The following PPP2R5E variants were observed in gnomAD, a reference collection of about 807,000 sequenced individuals.
PPP2R5E encodes the protein protein phosphatase 2 regulatory subunit B'epsilon.
PPP2R5E carries 4 observed loss-of-function variants against 65.3 expected under a neutral mutation model. The observed-to-expected ratio is 0.06, with a 90% CI of 0.03 to 0.14. The LOEUF is 0.14. Among genes scored for constraint, PPP2R5E ranks in the 10% least tolerant of loss-of-function variants. The pLI is 1.00. For missense variants in PPP2R5E, 274 were observed against 556.1 expected (o/e 0.49, Z 5.10); for synonymous variants, 183 against 187.4 (o/e 0.98, Z 0.19).
intron 1 of PPP2R5E, among the ~76,000 whole-genome samples, chr14:63,540,966 GA>G (rs1893877787): frequency 1.3e-5 from 2 of 152,208 alleles, no homozygotes; most frequent in East Asian, 3.9e-4. Flanking sequence ...TCTGTAACTG[GA>G]AAACTTCCAT....
Position 63,499,681 on chromosome 14 carries a change from C to T in PPP2R5E, c.157+39848G>A, listed in dbSNP as rs925550900. On this transcript the variant is annotated intron_variant, in intron 2 of 13. Coordinates refer to ENST00000337537, the MANE Select transcript of PPP2R5E (RefSeq NM_006246.5). Reference sequence around the variant, plus strand: ...GGCAGAGGTTGTACTGAGCTGAGATCGCACCACTGCACTCCAGCCTGGAAG... The same window carrying T: ...GGCAGAGGTTGTACTGAGCTGAGATTGCACCACTGCACTCCAGCCTGGAAG... 4.0e-5 allele frequency among the ~76,000 whole-genome samples: 6 copies of T among 151,416 alleles called. No homozygotes were observed. In the Middle Eastern group the frequency reaches 0.01, roughly 259 times the overall value.
chr14:63,413,435 G>C (rs1477511338), intron 5 of PPP2R5E, among the ~76,000 whole-genome samples: 2 of 152,186 alleles, frequency 1.3e-5, no homozygotes, highest in East Asian at 3.9e-4. Context: ...GTTACAGTGA[G>C]GGAATCACAA....
At chr14:63,430,180 C>A (rs912246585) in intron 3 of PPP2R5E, among the ~76,000 whole-genome samples, 2 of 152,040 alleles carry the variant, frequency 1.3e-5, no homozygotes, top group African/African-American at 4.8e-5. Context: ...CATTTAAACA[C>A]CTAAGACTAT....
intron 2 of PPP2R5E, among the ~76,000 whole-genome samples, chr14:63,528,051 A>C (rs1001631976): frequency 6.6e-6 from 1 of 152,068 alleles, no homozygotes; most frequent in African/African-American, 2.4e-5. Context: ...ACATAAAAAT[A>C]AGATTCCATA....
chr14:63,513,611 G>A (rs1381534901), intron 2 of PPP2R5E, among the ~76,000 whole-genome samples: 2 of 152,144 alleles, frequency 1.3e-5, no homozygotes, highest in Admixed American at 6.5e-5. Context: ...GTGGGGAGGG[G>A]TTCCTGCAAC....
chr14:63,386,681 G>A (rs1884688564), intron 11 of PPP2R5E, among the ~76,000 whole-genome samples: 1 of 152,256 alleles, frequency 6.6e-6, no homozygotes, highest in East Asian at 1.9e-4. Flanking sequence ...TCAGCACTTT[G>A]GGAGGCCAAG....
intron 3 of PPP2R5E, chr14:63,452,641 T>C (rs562480583): frequency 6.6e-6 from 1 of 152,230 alleles, no homozygotes; most frequent in Non-Finnish European, 1.5e-5. Context: ...CATTCAGATA[T>C]AGAACTGAGG....
chr14:63,482,976 T>C (rs1890789034), intron 2 of PPP2R5E, among the ~76,000 whole-genome samples: 1 of 152,154 alleles, frequency 6.6e-6, no homozygotes. Context: ...GTTTACACTC[T>C]AGCAGGATGC....
intron 3 of PPP2R5E, chr14:63,451,134 G>C (rs1003908949): frequency 6.6e-6 from 1 of 151,814 alleles, no homozygotes; most frequent in African/African-American, 2.4e-5. Flanking sequence ...CTTATAACAA[G>C]TAATAAAAGT....
chr14:63,421,571 GA>G (rs1413092202), intron 4 of PPP2R5E, among the ~76,000 whole-genome samples: 1 of 152,140 alleles, frequency 6.6e-6, no homozygotes, highest in African/African-American at 2.4e-5. Flanking sequence ...TCTAACTAAA[GA>G]AACACATTTG....
intron 8 of PPP2R5E, among the ~76,000 whole-genome samples, chr14:63,393,182 C>T (rs1885123899): frequency 6.6e-6 from 1 of 152,186 alleles, no homozygotes. Context: ...TTACATAGTC[C>T]AAAGATCTAC....
At chr14:63,382,386 C>T (rs1203488314) in intron 12 of PPP2R5E, among the ~76,000 whole-genome samples, 2 of 151,006 alleles carry the variant, frequency 1.3e-5, no homozygotes, top group African/African-American at 4.9e-5. Context: ...AAAAATCTAA[C>T]TTTGCCCTTC....
chr14:63,464,537 A>C (rs1177046474), intron 2 of PPP2R5E, among the ~76,000 whole-genome samples: 1 of 152,138 alleles, frequency 6.6e-6, no homozygotes, highest in Non-Finnish European at 1.5e-5. Flanking sequence ...GCTGGAGTGG[A>C]AAGTGGGGAA....
chr14:63,446,066 CAGG>C (rs1375719186), intron 3 of PPP2R5E, among the ~76,000 whole-genome samples: 1 of 152,214 alleles, frequency 6.6e-6, no homozygotes, highest in Non-Finnish European at 1.5e-5. Context: ...ACAACATTTT[CAGG>C]AGTTGATTCC....
At chr14:63,490,455 T>C (rs1891228838) in intron 2 of PPP2R5E, among the ~76,000 whole-genome samples, 1 of 151,944 alleles carries the variant, frequency 6.6e-6, no homozygotes, top group Admixed American at 6.6e-5. Context: ...ACAGACAACC[T>C]ACAGAATGGG....
intron 3 of PPP2R5E, among the ~76,000 whole-genome samples, chr14:63,433,903 C>T (rs1236723253): frequency 6.6e-6 from 1 of 152,166 alleles, no homozygotes; most frequent in South Asian, 2.1e-4. Flanking sequence ...GCTTTGGGTT[C>T]AGCTTTCTCT....
intron 2 of PPP2R5E, among the ~76,000 whole-genome samples, chr14:63,458,848 C>A (rs577790844): frequency 1.3e-5 from 2 of 152,016 alleles, no homozygotes; most frequent in East Asian, 1.9e-4. Flanking sequence ...AAATAAAATT[C>A]TTCTAAATTA....
At chr14:63,541,642 G>A (rs1020986522) in intron 1 of PPP2R5E, among the ~76,000 whole-genome samples, 1 of 152,144 alleles carries the variant, frequency 6.6e-6, no homozygotes, top group Non-Finnish European at 1.5e-5. Flanking sequence ...CAATAGACAA[G>A]ACAAGTGGTT....
chr14:63,518,183 C>T (rs1332003636), intron 2 of PPP2R5E, among the ~76,000 whole-genome samples: 2 of 152,176 alleles, frequency 1.3e-5, no homozygotes, highest in African/African-American at 4.8e-5. Flanking sequence ...TTAAGCAATC[C>T]TCCTGCCTCA....
Sources: gnomAD v4.1 joint callset for allele counts (sites outside exome capture counted in the v4.1 genomes callset) on GRCh38, gnomAD v4.1.1 for gene constraint, MANE v1.5 for transcripts, NCBI Gene and HGNC (gene_info 2026-07-23, HGNC 2026-07-21) for gene names.